BBS12: variants seen among roughly 807,000 people sequenced by gnomAD.
The protein encoded by BBS12 is Bardet-Biedl syndrome 12.
BBS12 carries 5 observed loss-of-function variants against 5.6 expected under a neutral mutation model. The ratio of observed to expected loss-of-function variants is 0.89; its 90% CI spans 0.46 to 1.86. The LOEUF (loss-of-function observed/expected upper bound fraction) is 1.86, where lower values mean the gene tolerates loss of function less well. Among genes scored for constraint, BBS12 ranks in the 40% most tolerant of loss-of-function variants. BBS12 has a pLI of 0.01. For synonymous variants in BBS12, 308 were observed against 306.8 expected, an observed-to-expected ratio of 1.00 and a Z score of -0.04; for missense variants, 748 against 830.4, an observed-to-expected ratio of 0.90 and a Z score of 1.22.
At chr4:122,733,055 G>T (rs184818571) in intron 1 of BBS12, among the ~76,000 whole-genome samples, 171 bp downstream of exon 1, 42 of 152,336 alleles carry the variant, frequency 2.8e-4, no homozygotes, top group African/African-American at 9.9e-4. Flanking sequence ...ACTAGAGGAA[G>T]AGGGGACTGC....
At chr4:122,707,054 CT>C in the BBS12 span, among the ~76,000 whole-genome samples, 1,542 of 72,282 alleles carry the variant, frequency 0.021, 17 homozygotes, top group Non-Finnish European at 0.029. Flanking sequence ...CTCTCTCTCT[CT>C]TTTTTTTTTT....
the BBS12 span, among the ~76,000 whole-genome samples, chr4:122,705,626 ATG>A: frequency 2.0e-5 from 3 of 152,214 alleles, no homozygotes; most frequent in African/African-American, 2.4e-5. Flanking sequence ...ATTTGCTGAA[ATG>A]TGTGTGTTTC....
chr4:122,714,990 C>T, the BBS12 span, among the ~76,000 whole-genome samples: 1 of 151,904 alleles, frequency 6.6e-6, no homozygotes, highest in Non-Finnish European at 1.5e-5. Context: ...CACCCAACAC[C>T]AGATACCCGA....
chr4:122,721,984 GACA>G, the BBS12 span, among the ~76,000 whole-genome samples: 1 of 152,110 alleles, frequency 6.6e-6, no homozygotes, highest in Admixed American at 6.5e-5. Context: ...CAAATTCTCT[GACA>G]ACAATGCAAT....
Position 122,743,325 on chromosome 4 carries a change from C to T in BBS12, c.1433C>T (p.Pro478Leu), listed in dbSNP as rs577035373. 2 of 1,614,122 alleles carry T rather than the reference C, an allele frequency of 1.2e-6. No individual in the cohort carries two copies. Among genetic ancestry groups the T allele is most frequent in the South Asian group, 1.1e-5 (1 of 91,082 alleles). Residue 478 changes from proline (P) to leucine (L), a missense_variant, in exon 2 of 2, where the codon CCT becomes CTT. Physicochemically the swap from Pro to Leu is moderately conservative, Grantham distance 98 (BLOSUM62 -3). Transcript: ENST00000314218. Reference sequence around the variant, plus strand: ...TGCGTGACCTTCTGGAGAAGCAGCCCTTTGGATGTTGTAGATAGGAACAAC... The same window carrying T: ...TGCGTGACCTTCTGGAGAAGCAGCCTTTTGGATGTTGTAGATAGGAACAAC... ...GVCVTFWRSS[P>L]LDVVDRNNRI...
the BBS12 span, among the ~76,000 whole-genome samples, chr4:122,706,162 G>A: frequency 2.0e-5 from 3 of 152,046 alleles, no homozygotes; most frequent in African/African-American, 4.8e-5. Flanking sequence ...TGGACTTGGA[G>A]TCTGCTCTGC....
the BBS12 span, among the ~76,000 whole-genome samples, chr4:122,711,629 T>A: frequency 2.0e-4 from 31 of 152,332 alleles, no homozygotes; most frequent in African/African-American, 7.5e-4. Flanking sequence ...TACAAAAGAT[T>A]AAAATCCTGA....
In BBS12 at chr4:122,744,125, T is replaced by G; in HGVS notation, c.*100T>G. ...TCATGGTGCCTAAAATGCCAGCTAT[T>G]GCCAAGAAGAAAATAGTTGATGTCT... On this transcript the variant is annotated 3_prime_UTR_variant, in exon 2 of 2. Transcript: ENST00000314218. 1 of 1,242,800 alleles carries G rather than the reference T, an allele frequency of 8.0e-7. No individual in the cohort carries two copies. The allele number at this position is 1,242,800 out of a possible 1,614,324, so 77.0% of individuals were successfully genotyped here. A position where few individuals can be genotyped will look rare whatever the true frequency, so the allele number is the denominator to read the frequency against.
At chr4:122,733,025 T>G (rs1234748707) in intron 1 of BBS12, 141 bp downstream of exon 1, 1 of 152,396 alleles carries the variant, frequency 6.6e-6, no homozygotes, top group Non-Finnish European at 1.5e-5. Context: ...GGTGAATTGG[T>G]CCAGCATGTG....
At chr4:122,734,206 A>G (rs1392178905) in intron 1 of BBS12, 2 of 152,156 alleles carry the variant, frequency 1.3e-5, no homozygotes, top group East Asian at 1.9e-4. Context: ...TCACTTTAAT[A>G]TATGATTTTT....
At position 122,743,675 on chromosome 4, in the gene BBS12, TG is replaced by T; in HGVS notation, c.1785del (p.Trp595CysfsTer43). 1 of 1,614,198 alleles carries T rather than the reference TG, an allele frequency of 6.2e-7. No individual in the cohort carries two copies. The highest frequency in any genetic ancestry group is 2.2e-5 in the East Asian group (1 of 44,892). On this transcript the variant is annotated frameshift_variant, in exon 2 of 2. Transcript: ENST00000314218. LOFTEE classifies it low-confidence loss of function (END_TRUNC). ...TGTGCTTAAATTCCTGGCAAATGGATGGCAGAAATACCTTTCAACTCTCCTA... is the reference window on the plus strand; with the variant it reads ...TGTGCTTAAATTCCTGGCAAATGGATGCAGAAATACCTTTCAACTCTCCTA... Reference protein sequence around the residue: ...PTVLKFLANGWQKYLSTLLYN... With the variant: ...PTVLKFLANGXQKYLSTLLYN...
chr4:122,724,954 A>C, the BBS12 span, among the ~76,000 whole-genome samples: 1 of 152,022 alleles, frequency 6.6e-6, no homozygotes, highest in Non-Finnish European at 1.5e-5. Context: ...ATGTTTCAAA[A>C]GGAAAATTCA....
intron 1 of BBS12, among the ~76,000 whole-genome samples, chr4:122,740,283 A>C (rs1486779630): frequency 1.3e-5 from 2 of 152,224 alleles, no homozygotes; most frequent in Non-Finnish European, 2.9e-5. Flanking sequence ...AAAAATAAAA[A>C]GAATGCTAAT....
the BBS12 span, among the ~76,000 whole-genome samples, chr4:122,710,422 G>A: frequency 3.3e-5 from 5 of 152,208 alleles, no homozygotes; most frequent in African/African-American, 1.2e-4. Flanking sequence ...GATAATGCAG[G>A]GAATCTGCAT....
At chr4:122,726,442 C>T in the BBS12 span, among the ~76,000 whole-genome samples, 8 of 152,028 alleles carry the variant, frequency 5.3e-5, no homozygotes, top group South Asian at 1.0e-3. Flanking sequence ...GGTGTGGATG[C>T]GGTGAAGAGG....
the BBS12 span, among the ~76,000 whole-genome samples, chr4:122,712,788 C>T: frequency 0.024 from 3,634 of 152,208 alleles, 146 homozygotes; most frequent in African/African-American, 0.083. Flanking sequence ...TTGTTTTATG[C>T]ATTTTTTGCA....
At chr4:122,729,266 G>A (rs754249020), upstream of BBS12, 1 of 152,280 alleles carries the variant, frequency 6.6e-6, no homozygotes, top group Non-Finnish European at 1.5e-5. Flanking sequence ...ATACGGGGTG[G>A]TAAGTTCAGC....
chr4:122,737,774 T>C (rs1479219701), intron 1 of BBS12, among the ~76,000 whole-genome samples: 1 of 152,216 alleles, frequency 6.6e-6, no homozygotes, highest in Non-Finnish European at 1.5e-5. Flanking sequence ...TTTCCAAACT[T>C]ACTACAAAGC....
Position 122,744,085 on chromosome 4 carries a change from A to T in BBS12, c.*60A>T. 10 of 1,520,454 alleles carry T rather than the reference A, an allele frequency of 6.6e-6. No individual in the cohort carries two copies. Among genetic ancestry groups the T allele is most frequent in the Non-Finnish European group, 9.1e-6 (10 of 1,097,810 alleles). 94.2% of individuals were successfully genotyped at this position (1,520,454 alleles called of 1,614,324 possible). ...ATAATATGTCATGCTAATAATAAAT[A>T]TATTGATAGCCAAGTCATGGTGCCT... On this transcript the variant is annotated 3_prime_UTR_variant, in exon 2 of 2. Coordinates refer to ENST00000314218, the MANE Select transcript of BBS12 (RefSeq NM_152618.3).
Sources: allele counts gnomAD v4.1 joint callset (sites outside exome capture counted in the v4.1 genomes callset), GRCh38; gene constraint gnomAD v4.1.1; transcripts MANE v1.5; gene names NCBI Gene and HGNC (gene_info 2026-07-23, HGNC 2026-07-21).